Variants in AGBL4 observed in about 807,000 individuals in gnomAD.
The protein encoded by AGBL4 is AGBL carboxypeptidase 4, also known as cytosolic carboxypeptidase 6.
Under a neutral mutation model 66.4 loss-of-function variants are expected in AGBL4, and 58 were observed. That is an observed-to-expected ratio of 0.87 (90% CI 0.71 to 1.09). AGBL4 has a LOEUF of 1.09. Among genes scored for constraint, AGBL4 ranks in the 50% least tolerant of loss-of-function variants. The pLI is 0.00. For synonymous variants in AGBL4, 234 were observed against 222.9 expected (o/e 1.05, Z -0.44); for missense variants, 579 against 631.0 (o/e 0.92, Z 0.88).
chr1:48,902,183 T>A (rs1652143825), intron 5 of AGBL4, among the ~76,000 whole-genome samples: 2 of 152,184 alleles, frequency 1.3e-5, no homozygotes, highest in Admixed American at 1.3e-4. Context: ...CCAAACCATA[T>A]CAGATAGTTT....
At chr1:49,467,373 C>T (rs1167264) in intron 3 of AGBL4, among the ~76,000 whole-genome samples, 124,818 of 151,806 alleles carry the variant, frequency 0.82, 52,161 homozygotes, top group African/African-American at 0.96. Context: ...AACTACTAAA[C>T]TGTCAGATAG....
chr1:49,965,931 T>C (rs559895076), intron 1 of AGBL4, among the ~76,000 whole-genome samples: 3 of 151,932 alleles, frequency 2.0e-5, no homozygotes, highest in East Asian at 3.9e-4. Context: ...CATTAGTCTA[T>C]TACAATGATT....
chr1:48,776,852 C>T, intron 6 of AGBL4: 1 of 1,484,008 alleles, frequency 6.7e-7, no homozygotes, highest in Non-Finnish European at 9.0e-7. Context: ...GGGGGCGGGC[C>T]CCGGTCGGGC....
intron 8 of AGBL4, among the ~76,000 whole-genome samples, chr1:48,642,387 C>T (rs1484364184): frequency 6.6e-6 from 1 of 152,134 alleles, no homozygotes; most frequent in Non-Finnish European, 1.5e-5. Flanking sequence ...CTTTAGAGTG[C>T]CTTCTCCCTT....
chr1:49,855,290 GAAAT>G (rs1238046429), intron 1 of AGBL4, among the ~76,000 whole-genome samples: 7 of 152,126 alleles, frequency 4.6e-5, no homozygotes, highest in African/African-American at 1.7e-4. Flanking sequence ...GCTAAAGAGA[GAAAT>G]AAACCCCAAT....
chr1:49,603,524 C>CAAA (rs1274669482), intron 3 of AGBL4, among the ~76,000 whole-genome samples: 2 of 115,334 alleles, frequency 1.7e-5, no homozygotes, highest in East Asian at 4.6e-4. Flanking sequence ...GACTCCATCT[C>CAAA]AAAAAATAAA....
intron 4 of AGBL4, among the ~76,000 whole-genome samples, chr1:49,202,278 T>C (rs1397127844): frequency 1.3e-5 from 2 of 152,132 alleles, no homozygotes; most frequent in African/African-American, 2.4e-5. Flanking sequence ...GCAATATATA[T>C]ATTTGCCCAT....
At position 49,141,329 on chromosome 1, in the gene AGBL4, T is replaced by A. The variant is rs536900466; in HGVS notation, c.378-95529A>T. The stretch of plus-strand genomic sequence containing the variant: ...TCTGGAACCAAAGTCTAGGTGTAAA[T>A]CAGGTATCTGCCACTTAATACCCCT... On this transcript the variant is annotated intron_variant, in intron 4 of 13. Coordinates refer to ENST00000371839, the MANE Select transcript of AGBL4 (RefSeq NM_032785.4). 5.3e-5 allele frequency among the ~76,000 whole-genome samples: 8 copies of A among 152,240 alleles called. No individual in the cohort carries two copies. The East Asian group carries it at 1.5e-3, about 29-fold the overall frequency.
At chr1:48,842,533 A>G (rs1250870429) in intron 6 of AGBL4, among the ~76,000 whole-genome samples, 4 of 152,202 alleles carry the variant, frequency 2.6e-5, no homozygotes, top group African/African-American at 7.2e-5. Context: ...GTCAAAGGAC[A>G]TAAGAGAGAG....
intron 1 of AGBL4, among the ~76,000 whole-genome samples, chr1:49,915,644 C>G (rs192714414): frequency 6.6e-6 from 1 of 152,176 alleles, no homozygotes; most frequent in Non-Finnish European, 1.5e-5. Flanking sequence ...CCTTTGTAGA[C>G]GCCACCTCTT....
At chr1:49,328,203 A>G (rs984016904) in intron 3 of AGBL4, among the ~76,000 whole-genome samples, 1 of 152,256 alleles carries the variant, frequency 6.6e-6, no homozygotes, top group Non-Finnish European at 1.5e-5. Context: ...GAAAATGATT[A>G]AAAATAAAAA....
At chr1:48,544,050 T>C (rs1644120013) in intron 11 of AGBL4, among the ~76,000 whole-genome samples, 1 of 152,202 alleles carries the variant, frequency 6.6e-6, no homozygotes, top group African/African-American at 2.4e-5. Flanking sequence ...CCCAGGCCAG[T>C]GCCTGATGGG....
At chr1:49,039,081 G>T (rs1024702097) in intron 5 of AGBL4, among the ~76,000 whole-genome samples, 21 of 152,092 alleles carry the variant, frequency 1.4e-4, no homozygotes, top group Admixed American at 1.1e-3. Context: ...CGAAGCGAAA[G>T]AAGCCAATCT....
intron 2 of AGBL4, among the ~76,000 whole-genome samples, chr1:49,730,807 A>AGCAAAG (rs1428296130): frequency 6.6e-6 from 1 of 152,136 alleles, no homozygotes; most frequent in African/African-American, 2.4e-5. Context: ...GGCATCATCC[A>AGCAAAG]CCCCGTGGAG....
At chr1:49,268,444 A>G (rs1390373535) in intron 3 of AGBL4, among the ~76,000 whole-genome samples, 1 of 149,254 alleles carries the variant, frequency 6.7e-6, no homozygotes, top group Admixed American at 6.7e-5. Context: ...ACACACACAC[A>G]CACACAAATA....
At chr1:49,856,825 G>A (rs1646445044) in intron 1 of AGBL4, among the ~76,000 whole-genome samples, 1 of 151,978 alleles carries the variant, frequency 6.6e-6, no homozygotes, top group South Asian at 2.1e-4. Flanking sequence ...AACAAGACAA[G>A]GATGCCCACT....
chr1:49,276,480 T>C (rs758771208), intron 3 of AGBL4, among the ~76,000 whole-genome samples: 12 of 152,278 alleles, frequency 7.9e-5, no homozygotes, highest in South Asian at 2.1e-4. Context: ...ACCCAACAAA[T>C]AGAAATGACC....
chr1:49,794,615 T>G (rs1460519582), intron 2 of AGBL4, among the ~76,000 whole-genome samples: 4 of 151,972 alleles, frequency 2.6e-5, no homozygotes, highest in Non-Finnish European at 5.9e-5. Flanking sequence ...ACATCTCTGT[T>G]ATAATACATT....
chr1:48,655,038 C>G (rs960207682), intron 7 of AGBL4, among the ~76,000 whole-genome samples: 3 of 152,174 alleles, frequency 2.0e-5, no homozygotes, highest in Non-Finnish European at 4.4e-5. Context: ...CTGGCCACAC[C>G]GCCTCAGAGA....
Sources: gnomAD v4.1 joint callset for allele counts (sites outside exome capture counted in the v4.1 genomes callset) on GRCh38, gnomAD v4.1.1 for gene constraint, MANE v1.5 for transcripts, NCBI Gene and HGNC (gene_info 2026-07-23, HGNC 2026-07-21) for gene names.